The following NETO2 variants were observed in gnomAD, a reference collection of about 807,000 sequenced individuals.
NETO2 encodes neuropilin and tolloid like 2.
NETO2 carries 28 observed loss-of-function variants against 62.5 expected under a neutral mutation model. The ratio of observed to expected loss-of-function variants is 0.45; its 90% CI spans 0.33 to 0.61. The LOEUF is 0.61. Among genes scored for constraint, NETO2 ranks in the 20% least tolerant of loss-of-function variants. The pLI, the probability that NETO2 is intolerant of heterozygous loss-of-function variation, is 0.02. For missense variants in NETO2, 548 were observed against 643.2 expected (o/e 0.85, Z 1.60); for synonymous variants, 214 against 219.1 (o/e 0.98, Z 0.21).
chr16:47,133,354 T>C (rs113911641), intron 1 of NETO2, among the ~76,000 whole-genome samples: 73 of 151,476 alleles, frequency 4.8e-4, no homozygotes, highest in African/African-American at 1.6e-3. Context: ...GGCGAGAGGA[T>C]TGCTTGAGCC....
chr16:47,122,179 C>T (rs182957034), intron 6 of NETO2, among the ~76,000 whole-genome samples: 68 of 152,274 alleles, frequency 4.5e-4, no homozygotes, highest in Middle Eastern at 6.8e-3. Flanking sequence ...CAGTTCTTTC[C>T]AATAAAAGCA....
rs1392963831 is a variant in NETO2, at chr16:47,079,889, C to A, written c.*3332G>T. 3 of 152,188 alleles carry A rather than the reference C, an allele frequency of 2.0e-5. No homozygotes were observed. Among genetic ancestry groups the A allele is most frequent in the African/African-American group, 7.2e-5 (3 of 41,438 alleles). 9.4% of individuals were successfully genotyped at this position (152,188 alleles called of 1,614,324 possible). A position where few individuals can be genotyped will look rare whatever the true frequency, so the allele number is the denominator to read the frequency against. On this transcript the variant is annotated 3_prime_UTR_variant, in exon 9 of 9. Transcript: ENST00000562435. ...TGAGAATTATTCCTGAAATCACAACCAGGCTTCTCCCGTCCCCTCTCATCA... is the reference window on the plus strand; with the variant it reads ...TGAGAATTATTCCTGAAATCACAACAAGGCTTCTCCCGTCCCCTCTCATCA...
chr16:47,140,772 A>C (rs779032833), intron 1 of NETO2, among the ~76,000 whole-genome samples: 16 of 152,264 alleles, frequency 1.1e-4, no homozygotes, highest in Non-Finnish European at 1.9e-4. Context: ...TGTAAGAATG[A>C]AAAACGAGTT....
chr16:47,118,930 T>C (rs1252949048), intron 6 of NETO2, among the ~76,000 whole-genome samples: 1 of 152,182 alleles, frequency 6.6e-6, no homozygotes, highest in Non-Finnish European at 1.5e-5. Flanking sequence ...ATTTATAGTT[T>C]GTTTCAATCA....
At chr16:47,115,129 TG>T (rs1963883159) in intron 6 of NETO2, among the ~76,000 whole-genome samples, 1 of 152,244 alleles carries the variant, frequency 6.6e-6, no homozygotes, top group African/African-American at 2.4e-5. Flanking sequence ...ACCACAGTCT[TG>T]GTTACTGAAG....
chr16:47,127,261 T>C (rs1257048532), intron 4 of NETO2, among the ~76,000 whole-genome samples: 2 of 152,192 alleles, frequency 1.3e-5, no homozygotes, highest in African/African-American at 4.8e-5. Flanking sequence ...GTTTCTGCAT[T>C]AGGGATATGT....
Position 47,080,439 on chromosome 16 carries a change from GTTA to G in NETO2, c.*2779_*2781del, listed in dbSNP as rs1963043986. 6.6e-6 allele frequency: 1 copy of G among 152,262 alleles called. No individual in the cohort carries two copies. Among genetic ancestry groups the G allele is most frequent in the African/African-American group, 2.4e-5 (1 of 41,558 alleles). 9.4% of individuals were successfully genotyped at this position (152,262 alleles called of 1,614,324 possible). ...AAGATTGCTAAATTTCATGTCTTCT[GTTA>G]TTAAATTTTATGGCTTTCATTTTAG... On this transcript the variant is annotated 3_prime_UTR_variant, in exon 9 of 9. Transcript: ENST00000562435.
At chr16:47,107,994 C>T (rs1049851563) in intron 7 of NETO2, among the ~76,000 whole-genome samples, 2 of 152,056 alleles carry the variant, frequency 1.3e-5, no homozygotes, top group South Asian at 4.1e-4. Context: ...CCAGGCTGGT[C>T]TCGAACTCCT....
rs372777815 is a variant in NETO2, at chr16:47,085,875, G to T, written c.997+351C>A. 3.3e-3 allele frequency among the ~76,000 whole-genome samples: 504 copies of T among 152,034 alleles called. 3 individuals carry two copies. The highest frequency in any genetic ancestry group is 0.012 in the African/African-American group (487 of 41,514). On this transcript the variant is annotated intron_variant, in intron 8 of 8. Transcript: ENST00000562435. ...AATCCCAGCACTTTGGGAGGCCGAG[G>T]TGGGCAGATCATGAGGTCAGGAGAT...
Position 47,128,204 on chromosome 16 carries a change from A to C in NETO2, c.481+121T>G. ...GGACTAATTTCCCTTTGACTTTGCT[A>C]ATTTGTTTAAAATCTTGATTTGATT... On this transcript the variant is annotated intron_variant, in intron 4 of 8. Transcript: ENST00000562435. 3.2e-6 allele frequency: 4 copies of C among 1,255,124 alleles called. No homozygotes were observed. In the East Asian group the frequency reaches 7.0e-5, roughly 22 times the overall value. 77.7% of individuals were successfully genotyped at this position (1,255,124 alleles called of 1,614,324 possible).
chr16:47,118,899 C>A (rs568980784), intron 6 of NETO2, among the ~76,000 whole-genome samples: 1 of 152,102 alleles, frequency 6.6e-6, no homozygotes, highest in Non-Finnish European at 1.5e-5. Flanking sequence ...AGTGTTCAAA[C>A]TTCTGTCATC....
At chr16:47,115,432 ATAC>A (rs1963890442) in intron 6 of NETO2, among the ~76,000 whole-genome samples, 1 of 151,960 alleles carries the variant, frequency 6.6e-6, no homozygotes, top group South Asian at 2.1e-4. Flanking sequence ...CAGTTAACAG[ATAC>A]TACACAGTTT....
Position 47,143,694 on chromosome 16 carries a change from A to T in NETO2, c.-82T>A. The T allele has an allele frequency of 1.7e-6, 2 of 1,211,608 alleles. No individual in the cohort carries two copies. The highest frequency in any genetic ancestry group is 2.1e-6 in the Non-Finnish European group (2 of 974,450). 75.1% of individuals were successfully genotyped at this position (1,211,608 alleles called of 1,614,324 possible). A position where few individuals can be genotyped will look rare whatever the true frequency, so the allele number is the denominator to read the frequency against. On this transcript the variant is annotated 5_prime_UTR_variant, in exon 1 of 9. Transcript: ENST00000562435. ...GCGCTCACGGCTCGGCGCGGCGGCG[A>T]CGGCCCCACTCCGTCCCCATCGCCG...
At chr16:47,086,379 C>T in intron 7 of NETO2, 40 bp from the exon 8 acceptor site, 1 of 1,333,290 alleles carries the variant, frequency 7.5e-7, no homozygotes, top group Non-Finnish European at 1.1e-6. Flanking sequence ...AGCAGGCAGA[C>T]CACCTGATTT....
At chr16:47,095,672 T>C (rs146273939) in intron 7 of NETO2, among the ~76,000 whole-genome samples, 23 of 152,216 alleles carry the variant, frequency 1.5e-4, no homozygotes, top group Admixed American at 3.3e-4. Context: ...AAACAAACAT[T>C]GATAGAACTG....
Position 47,079,801 on chromosome 16 carries a change from G to A in NETO2, c.*3420C>T, listed in dbSNP as rs1467063845. On this transcript the variant is annotated 3_prime_UTR_variant, in exon 9 of 9. Coordinates refer to ENST00000562435, the MANE Select transcript of NETO2 (RefSeq NM_018092.5). ...TAATGTCATATAATTCATGTCACTT[G>A]CAATAAAGTGACATGAACAATATAT... The A allele has an allele frequency of 6.6e-6, 1 of 152,142 alleles. No individual in the cohort carries two copies. Among genetic ancestry groups the A allele is most frequent in the Non-Finnish European group, 1.5e-5 (1 of 68,034 alleles). 9.4% of individuals were successfully genotyped at this position (152,142 alleles called of 1,614,324 possible).
chr16:47,136,594 C>A (rs1287426486), intron 1 of NETO2, among the ~76,000 whole-genome samples: 1 of 151,966 alleles, frequency 6.6e-6, no homozygotes. Context: ...TTAGTAGAGA[C>A]GGGGTTTCAC....
chr16:47,138,775 A>C (rs1209940438), intron 1 of NETO2, among the ~76,000 whole-genome samples: 1 of 152,180 alleles, frequency 6.6e-6, no homozygotes, highest in East Asian at 1.9e-4. Flanking sequence ...TTATAGTTAG[A>C]ACAACTCTGT....
intron 6 of NETO2, among the ~76,000 whole-genome samples, chr16:47,120,760 C>T (rs1396671482): frequency 1.3e-5 from 2 of 152,138 alleles, no homozygotes; most frequent in African/African-American, 4.8e-5. Flanking sequence ...TAATAGCATC[C>T]TTTTGTAGAC....
Sources: allele counts gnomAD v4.1 joint callset (sites outside exome capture counted in the v4.1 genomes callset), GRCh38; gene constraint gnomAD v4.1.1; transcripts MANE v1.5; gene names NCBI Gene and HGNC (gene_info 2026-07-23, HGNC 2026-07-21).